NDUFA10: variants seen among roughly 807,000 people sequenced by gnomAD.
NDUFA10 encodes the protein NADH:ubiquinone oxidoreductase subunit A10.
NDUFA10 carries 40 observed loss-of-function variants against 47.8 expected under a neutral mutation model. That is an observed-to-expected ratio of 0.84 (90% CI 0.65 to 1.09). NDUFA10 has a LOEUF of 1.09. Ranked by LOEUF, NDUFA10 falls within the 50% of genes least tolerant of loss-of-function variation. The pLI is 0.00. For synonymous variants in NDUFA10, 183 were observed against 172.2 expected (o/e 1.06, Z -0.49); for missense variants, 413 against 451.1 (o/e 0.92, Z 0.76).
At chr2:239,941,657 G>A (rs1204579413) in intron 4 of NDUFA10, among the ~76,000 whole-genome samples, 2 of 151,668 alleles carry the variant, frequency 1.3e-5, no homozygotes, top group Non-Finnish European at 2.9e-5. Context: ...CCTGAGAGGC[G>A]GAGCTTGCAG....
intron 4 of NDUFA10, among the ~76,000 whole-genome samples, chr2:239,904,253 TTTCTTC>T (rs994574192): frequency 6.6e-6 from 1 of 152,118 alleles, no homozygotes; most frequent in Non-Finnish European, 1.5e-5. Flanking sequence ...TGCCTCTTCC[TTTCTTC>T]TTCTTCTTTT....
rs944442912 is a variant in NDUFA10, at chr2:239,928,170, T to TA, written c.295-32857dup. ...GGTCTGTACAAAGATTCCAGGACTTTAAAAAAAAAATAACAAAAGAAGAAA... is the reference window on the plus strand; with the variant it reads ...GGTCTGTACAAAGATTCCAGGACTTTAAAAAAAAAAATAACAAAAGAAGAAA... On this transcript the variant is annotated intron_variant, in intron 4 of 5. Coordinates refer to the NDUFA10 transcript ENST00000419408. The surrounding 1 kb of genome is among the most constrained non-coding windows in gnomAD (Gnocchi z 4.3). Among the ~76,000 whole-genome samples, 40 of 148,758 alleles carry TA rather than the reference T, an allele frequency of 2.7e-4. No homozygotes were observed. Among genetic ancestry groups the TA allele is most frequent in the Middle Eastern group, 3.5e-3 (1 of 288 alleles).
intron 9 of NDUFA10, among the ~76,000 whole-genome samples, chr2:239,986,369 G>A (rs761289208): frequency 3.3e-5 from 5 of 152,208 alleles, no homozygotes; most frequent in African/African-American, 7.2e-5. Flanking sequence ...AGAGACAGGA[G>A]ACTAGCTACG....
chr2:239,910,891 T>G (rs770765796), intron 4 of NDUFA10, among the ~76,000 whole-genome samples: 84 of 152,228 alleles, frequency 5.5e-4, no homozygotes, highest in Non-Finnish European at 5.3e-4. Context: ...CCTCGTGAGC[T>G]GTCCAACAGC....
intron 5 of NDUFA10, among the ~76,000 whole-genome samples, chr2:239,894,579 G>T (rs1202843687): frequency 6.6e-6 from 1 of 152,030 alleles, no homozygotes; most frequent in African/African-American, 2.4e-5. Context: ...TCCTCTTGTT[G>T]TCCCAGTGGG....
In NDUFA10 at chr2:239,958,188, C is replaced by T. The variant is rs1317579602; in HGVS notation, c.*2930G>A. 1.3e-5 allele frequency: 2 copies of T among 152,222 alleles called. No individual in the cohort carries two copies. Among genetic ancestry groups the T allele is most frequent in the African/African-American group, 4.8e-5 (2 of 41,458 alleles). The allele number at this position is 152,222 out of a possible 1,614,324, so 9.4% of individuals were successfully genotyped here. A position where few individuals can be genotyped will look rare whatever the true frequency, so the allele number is the denominator to read the frequency against. On this transcript the variant is annotated 3_prime_UTR_variant, in exon 10 of 10. Coordinates refer to ENST00000252711, the MANE Select transcript of NDUFA10 (RefSeq NM_004544.4). ...CCCCAATTTCTGACAGCCATGGCAG[C>T]TTTCCCTCCACCCCTATTTTGCCAA...
chr2:239,898,450 G>A (rs977157037), intron 4 of NDUFA10, among the ~76,000 whole-genome samples: 37 of 144,334 alleles, frequency 2.6e-4, no homozygotes, highest in African/African-American at 6.9e-4. Flanking sequence ...GTCAGCCCCC[G>A]GCCCACAAGT....
At chr2:239,995,823 A>C (rs1354670671) in intron 8 of NDUFA10, among the ~76,000 whole-genome samples, 1 of 152,254 alleles carries the variant, frequency 6.6e-6, no homozygotes, top group Non-Finnish European at 1.5e-5. Flanking sequence ...AAACAAGGAC[A>C]AACATCAGCG....
intron 8 of NDUFA10, among the ~76,000 whole-genome samples, chr2:239,996,134 G>A (rs1416051005): frequency 6.6e-6 from 1 of 152,088 alleles, no homozygotes; most frequent in Non-Finnish European, 1.5e-5. Flanking sequence ...CTGAGTAACC[G>A]ATGGACCCAG....
At chr2:239,963,154 A>G (rs1489319857) in intron 9 of NDUFA10, among the ~76,000 whole-genome samples, 1 of 152,178 alleles carries the variant, frequency 6.6e-6, no homozygotes, top group Non-Finnish European at 1.5e-5. Context: ...GACACACACA[A>G]AAAAAGAAAA....
At chr2:239,971,499 A>C (rs142893107) in intron 9 of NDUFA10, among the ~76,000 whole-genome samples, 1 of 152,336 alleles carries the variant, frequency 6.6e-6, no homozygotes, top group African/African-American at 2.4e-5. Flanking sequence ...TACTCATCAC[A>C]AAGTTATGTC....
chr2:239,950,206 G>A (rs985950192), intron 4 of NDUFA10, among the ~76,000 whole-genome samples: 1 of 152,174 alleles, frequency 6.6e-6, no homozygotes, highest in Non-Finnish European at 1.5e-5. Flanking sequence ...ACCCTCAGCA[G>A]TACAGGCTGG....
intron 9 of NDUFA10, among the ~76,000 whole-genome samples, chr2:239,967,402 G>C (rs1374550153): frequency 6.6e-6 from 1 of 152,188 alleles, no homozygotes; most frequent in Non-Finnish European, 1.5e-5. Flanking sequence ...TTTACACACT[G>C]GCTGGTGGTG....
chr2:239,919,199 A>C (rs13417707), intron 4 of NDUFA10, among the ~76,000 whole-genome samples: 34,201 of 152,146 alleles, frequency 0.22, 5,346 homozygotes, highest in African/African-American at 0.45. Flanking sequence ...GTGGCACAGA[A>C]GGCATGCAGC....
At chr2:239,984,500 C>G (rs1695917894) in intron 9 of NDUFA10, among the ~76,000 whole-genome samples, 1 of 152,200 alleles carries the variant, frequency 6.6e-6, no homozygotes, top group Non-Finnish European at 1.5e-5. Context: ...ACATTTAATT[C>G]AAACCACAAG....
chr2:240,005,432 T>A, intron 7 of NDUFA10, 137 bp from the exon 8 acceptor site: 1 of 715,146 alleles, frequency 1.4e-6, no homozygotes, highest in Non-Finnish European at 2.5e-6. Flanking sequence ...CACTGCAGCC[T>A]TGGCCTGCTG....
intron 4 of NDUFA10, among the ~76,000 whole-genome samples, chr2:239,896,963 A>G (rs1009512936): frequency 3.3e-5 from 5 of 152,244 alleles, no homozygotes; most frequent in Non-Finnish European, 7.3e-5. Flanking sequence ...AAAATAACAT[A>G]TGTATGTGTG....
chr2:239,905,858 A>C (rs1175213881), intron 4 of NDUFA10, among the ~76,000 whole-genome samples: 2 of 10,956 alleles, frequency 1.8e-4, no homozygotes, highest in South Asian at 3.0e-3. Flanking sequence ...AGGGGAGGGG[A>C]GGGGAGCAGC....
At chr2:239,967,309 C>T (rs149501623) in intron 9 of NDUFA10, among the ~76,000 whole-genome samples, 2 of 152,294 alleles carry the variant, frequency 1.3e-5, no homozygotes, top group South Asian at 2.1e-4. Context: ...ATGCATGGGT[C>T]GGCAAACTGT....
Sources: gnomAD v4.1 joint callset for allele counts (sites outside exome capture counted in the v4.1 genomes callset) on GRCh38, gnomAD v4.1.1 for gene constraint, Gnocchi (gnomAD v3.1) non-coding constraint, MANE v1.5 for transcripts, NCBI Gene and HGNC (gene_info 2026-07-23, HGNC 2026-07-21) for gene names.